The following CCSER1 variants were observed in gnomAD, a reference collection of about 807,000 sequenced individuals.
CCSER1 encodes serine-rich coiled-coil domain-containing protein 1.
In CCSER1, 41 loss-of-function variants were observed where a neutral mutation model predicts 82.0. The observed-to-expected ratio is 0.50, with a 90% CI of 0.39 to 0.65. The LOEUF (loss-of-function observed/expected upper bound fraction) is 0.65, where lower values mean the gene tolerates loss of function less well. Ranked by LOEUF, CCSER1 falls within the 30% of genes least tolerant of loss-of-function variation. The probability of loss-of-function intolerance (pLI) is 0.00; values close to 1 mark genes in which losing one functional copy is unlikely to be tolerated. For synonymous variants in CCSER1, 414 were observed against 383.9 expected (o/e 1.08, Z -0.92); for missense variants, 1,119 against 1,064.2 (o/e 1.05, Z -0.72).
At chr4:90,845,522 T>TA (rs1763123140) in intron 8 of CCSER1, among the ~76,000 whole-genome samples, 1 of 152,168 alleles carries the variant, frequency 6.6e-6, no homozygotes, top group African/African-American at 2.4e-5. Context: ...ACACTGGCCT[T>TA]ACTGCCCATC....
At chr4:91,094,502 T>C (rs1281859075) in intron 10 of CCSER1, among the ~76,000 whole-genome samples, 1 of 152,170 alleles carries the variant, frequency 6.6e-6, no homozygotes. Flanking sequence ...AGTTCGATAG[T>C]CCTTGGTCCC....
chr4:90,836,303 G>A (rs1761795496), intron 8 of CCSER1, among the ~76,000 whole-genome samples: 1 of 151,828 alleles, frequency 6.6e-6, no homozygotes, highest in Non-Finnish European at 1.5e-5. Context: ...GAATGTATTA[G>A]TCAAATGTCA....
intron 5 of CCSER1, among the ~76,000 whole-genome samples, chr4:90,544,734 T>C (rs911182822): frequency 1.3e-5 from 2 of 152,074 alleles, no homozygotes; most frequent in Non-Finnish European, 2.9e-5. Flanking sequence ...GTATCTGGTA[T>C]GATCCAAGTC....
intron 5 of CCSER1, among the ~76,000 whole-genome samples, chr4:90,491,727 GTGT>G (rs1176554712): frequency 6.6e-6 from 1 of 152,142 alleles, no homozygotes; most frequent in Non-Finnish European, 1.5e-5. Context: ...TTAGCATGAA[GTGT>G]TGTTGAATTT....
chr4:91,400,804 ATTTTCAATT>A (rs2149359239), intron 10 of CCSER1, among the ~76,000 whole-genome samples: 1 of 151,712 alleles, frequency 6.6e-6, no homozygotes, highest in South Asian at 2.1e-4. Context: ...ACTGTGTTTA[ATTTTCAATT>A]AAGTCTATGG....
At chr4:90,320,867 G>C (rs950232063) in intron 3 of CCSER1, among the ~76,000 whole-genome samples, 1 of 152,060 alleles carries the variant, frequency 6.6e-6, no homozygotes, top group East Asian at 1.9e-4. Context: ...TTAAAGATCG[G>C]TTTGAGTAAT....
chr4:91,115,273 T>C (rs1726446116), intron 10 of CCSER1, among the ~76,000 whole-genome samples: 1 of 152,214 alleles, frequency 6.6e-6, no homozygotes, highest in South Asian at 2.1e-4. Flanking sequence ...TCAAATAAAA[T>C]GTACCCAGTT....
chr4:91,552,548 A>C (rs190863832), intron 10 of CCSER1, among the ~76,000 whole-genome samples: 1 of 151,754 alleles, frequency 6.6e-6, no homozygotes, highest in Admixed American at 6.6e-5. Flanking sequence ...GGTCCCTCTA[A>C]GACAGTGTAT....
chr4:90,464,958 C>T (rs1003345598), intron 4 of CCSER1, among the ~76,000 whole-genome samples: 1 of 152,150 alleles, frequency 6.6e-6, no homozygotes, highest in Admixed American at 6.5e-5. Context: ...TCAAATGTCA[C>T]ATCAGCAGTA....
At chr4:90,489,297 A>G (rs1158963162) in intron 5 of CCSER1, among the ~76,000 whole-genome samples, 3 of 152,178 alleles carry the variant, frequency 2.0e-5, no homozygotes, top group East Asian at 1.9e-4. Flanking sequence ...GAATTCTAGT[A>G]TCTTAGATAC....
At chr4:91,174,198 A>C (rs561638194) in intron 10 of CCSER1, among the ~76,000 whole-genome samples, 1 of 152,162 alleles carries the variant, frequency 6.6e-6, no homozygotes, top group Non-Finnish European at 1.5e-5. Flanking sequence ...AGCTTAAATA[A>C]CACATTCTAT....
chr4:91,139,622 A>T (rs1728833472), intron 10 of CCSER1, among the ~76,000 whole-genome samples: 2 of 152,174 alleles, frequency 1.3e-5, no homozygotes, highest in Admixed American at 1.3e-4. Context: ...GATTAATAAA[A>T]GCTATCTTTC....
intron 9 of CCSER1, among the ~76,000 whole-genome samples, chr4:90,957,877 G>T (rs1378931336): frequency 6.6e-6 from 1 of 151,374 alleles, no homozygotes; most frequent in African/African-American, 2.4e-5. Context: ...AAGGACTAGG[G>T]ACTCTGTCTT....
intron 10 of CCSER1, among the ~76,000 whole-genome samples, chr4:91,588,954 T>C (rs1413675121): frequency 6.6e-6 from 1 of 151,774 alleles, no homozygotes; most frequent in Non-Finnish European, 1.5e-5. Flanking sequence ...TTGGGATAGT[T>C]TGTATGAAAG....
chr4:91,191,460 CCTTA>C (rs1734989767), intron 10 of CCSER1, among the ~76,000 whole-genome samples: 2 of 152,118 alleles, frequency 1.3e-5, no homozygotes, highest in Admixed American at 6.6e-5. Context: ...TTCAGAATTA[CCTTA>C]CTTTATGAAT....
chr4:90,911,918 A>C (rs910779803), intron 8 of CCSER1, among the ~76,000 whole-genome samples: 2 of 152,190 alleles, frequency 1.3e-5, no homozygotes, highest in Admixed American at 1.3e-4. Flanking sequence ...GCAAGGCAGC[A>C]GCGAGGCTGG....
chr4:91,448,258 A>G (rs931545628), intron 10 of CCSER1, among the ~76,000 whole-genome samples: 1 of 152,212 alleles, frequency 6.6e-6, no homozygotes. Context: ...TTGCTTTTCT[A>G]TAAATTTAAT....
chr4:91,382,808 A>G (rs1390720532), intron 10 of CCSER1, among the ~76,000 whole-genome samples: 1 of 152,010 alleles, frequency 6.6e-6, no homozygotes, highest in East Asian at 1.9e-4. Context: ...TCATGCTGGG[A>G]GCTGTAGACT....
At chr4:90,717,732 A>G (rs1741882134) in intron 6 of CCSER1, among the ~76,000 whole-genome samples, 1 of 141,390 alleles carries the variant, frequency 7.1e-6, no homozygotes. Context: ...GTGTTTATAT[A>G]TATATATACA....
Sources: allele counts gnomAD v4.1 joint callset (sites outside exome capture counted in the v4.1 genomes callset), GRCh38; gene constraint gnomAD v4.1.1; transcripts MANE v1.5; gene names NCBI Gene and HGNC (gene_info 2026-07-23, HGNC 2026-07-21).